Variants in FUBP3 observed in about 807,000 individuals in gnomAD.
FUBP3 encodes far upstream element-binding protein 3.
Under a neutral mutation model 85.6 loss-of-function variants are expected in FUBP3, and 28 were observed. The observed-to-expected ratio is 0.33, with a 90% CI of 0.24 to 0.45. FUBP3 has a LOEUF of 0.45. Among genes scored for constraint, FUBP3 ranks in the 20% least tolerant of loss-of-function variants. The pLI is 1.00. For missense variants in FUBP3, 583 were observed against 755.1 expected (o/e 0.77, Z 2.67); for synonymous variants, 271 against 271.4 (o/e 1.00, Z 0.01).
chr9:130,606,911 T>C (rs1831487963), intron 2 of FUBP3, among the ~76,000 whole-genome samples: 1 of 151,880 alleles, frequency 6.6e-6, no homozygotes, highest in Non-Finnish European at 1.5e-5. Context: ...AAAAATGAAA[T>C]CTTTTTTTCT....
intron 2 of FUBP3, among the ~76,000 whole-genome samples, chr9:130,598,249 G>GT (rs1221643007): frequency 6.6e-6 from 1 of 152,172 alleles, no homozygotes; most frequent in Non-Finnish European, 1.5e-5. Context: ...ATGCTAGAGG[G>GT]TTTCATTTGC....
At chr9:130,615,935 C>T (rs1205841297) in intron 6 of FUBP3, among the ~76,000 whole-genome samples, 8 of 152,178 alleles carry the variant, frequency 5.3e-5, no homozygotes, top group African/African-American at 1.9e-4. Context: ...GCTCTCTCTC[C>T]TGCCTGCATT....
chr9:130,625,179 C>T (rs371711169), intron 11 of FUBP3, among the ~76,000 whole-genome samples: 7 of 152,342 alleles, frequency 4.6e-5, no homozygotes, highest in African/African-American at 1.2e-4. Context: ...ATTGCATTCC[C>T]GCCTGGGCAA....
intron 1 of FUBP3, among the ~76,000 whole-genome samples, chr9:130,592,048 A>T (rs1588119385): frequency 6.6e-6 from 1 of 152,326 alleles, no homozygotes; most frequent in East Asian, 1.9e-4. Context: ...CCTGCCCAAC[A>T]TGGTGAAACT....
chr9:130,613,416 G>A (rs79185845), intron 5 of FUBP3, among the ~76,000 whole-genome samples: 2,481 of 152,324 alleles, frequency 0.016, 67 homozygotes, highest in African/African-American at 0.056. Context: ...CCATGGATGA[G>A]ACTGTCCCTT....
At chr9:130,604,391 C>T (rs1420274106) in intron 2 of FUBP3, among the ~76,000 whole-genome samples, 1 of 152,184 alleles carries the variant, frequency 6.6e-6, no homozygotes, top group Non-Finnish European at 1.5e-5. Flanking sequence ...GTCTCTGTCT[C>T]ATGTGCCATA....
rs542133424 is a variant in FUBP3, at chr9:130,613,061, T to C, written c.346+34T>C. On this transcript the variant is annotated intron_variant, in intron 5 of 18. Coordinates refer to ENST00000319725, the MANE Select transcript of FUBP3 (RefSeq NM_003934.2). ...TTTTTAAAAATAGATATCAATTTTG[T>C]AGAAATCAGTATTTTGCAAAACTTT... is the stretch of plus-strand genomic sequence containing the variant. 2.1e-4 allele frequency: 279 copies of C among 1,347,270 alleles called. 2 individuals carry two copies. The African/African-American group carries it at 3.5e-3, about 17-fold the overall frequency. The allele number at this position is 1,347,270 out of a possible 1,614,324, so 83.5% of individuals were successfully genotyped here.
rs182774777 is a variant in FUBP3 at position 130,637,005 on chromosome 9, C to G, written c.1711-9C>G. The G allele has an allele frequency of 4.3e-6, 7 of 1,612,178 alleles. No homozygotes were observed. The highest frequency in any genetic ancestry group is 5.9e-6 in the Non-Finnish European group (7 of 1,178,304). ...TCACAGACTAATTCCTCTTCCCTTCCGCCCACAGGAGCAGTAGGACAGCGT... is the reference window on the plus strand; with the variant it reads ...TCACAGACTAATTCCTCTTCCCTTCGGCCCACAGGAGCAGTAGGACAGCGT... On this transcript the variant is annotated splice_polypyrimidine_tract_variant and intron_variant, in intron 18 of 18. Coordinates refer to ENST00000319725, the MANE Select transcript of FUBP3 (RefSeq NM_003934.2).
chr9:130,591,192 C>T (rs865958860), intron 1 of FUBP3, among the ~76,000 whole-genome samples: 1 of 152,266 alleles, frequency 6.6e-6, no homozygotes, highest in Middle Eastern at 3.4e-3. Flanking sequence ...CGCCTGTAAT[C>T]CCAGCATTTT....
intron 1 of FUBP3, among the ~76,000 whole-genome samples, chr9:130,595,001 C>A (rs978053041): frequency 4.0e-5 from 6 of 151,574 alleles, no homozygotes; most frequent in Non-Finnish European, 8.8e-5. Flanking sequence ...CCAAGGGGGG[C>A]AGATCACCCG....
intron 16 of FUBP3, among the ~76,000 whole-genome samples, chr9:130,633,806 G>C (rs547650896): frequency 6.6e-6 from 1 of 152,162 alleles, no homozygotes; most frequent in Non-Finnish European, 1.5e-5. Flanking sequence ...TCTTCCCCAC[G>C]CTGCTCCTCA....
Position 130,635,854 on chromosome 9 carries a change from C to A in FUBP3, c.1583-145C>A. 1 of 784,160 alleles carries A rather than the reference C, an allele frequency of 1.3e-6. No homozygotes were observed. The highest frequency in any genetic ancestry group is 2.1e-6 in the Non-Finnish European group (1 of 486,712). 48.6% of individuals were successfully genotyped at this position (784,160 alleles called of 1,614,324 possible). A position where few individuals can be genotyped will look rare whatever the true frequency, so the allele number is the denominator to read the frequency against. On this transcript the variant is annotated intron_variant, in intron 17 of 18. Coordinates refer to ENST00000319725, the MANE Select transcript of FUBP3 (RefSeq NM_003934.2). This position sits in a 1 kb window ranked among gnomAD's most constrained non-coding sequence, Gnocchi z 4.3. ...GCACCTTTTGTAGCAAGCGCTCCTGCAACACCAGCCTCACCTCACTGCCTC... is the reference window on the plus strand; with the variant it reads ...GCACCTTTTGTAGCAAGCGCTCCTGAAACACCAGCCTCACCTCACTGCCTC...
intron 1 of FUBP3, chr9:130,580,747 G>A (rs1830101455): frequency 6.6e-6 from 1 of 152,170 alleles, no homozygotes; most frequent in African/African-American, 2.4e-5. Context: ...TATTCCAGGG[G>A]AGGGAACCCT....
intron 2 of FUBP3, among the ~76,000 whole-genome samples, chr9:130,604,145 A>C (rs1017697713): frequency 6.6e-6 from 1 of 152,178 alleles, no homozygotes. Flanking sequence ...AAAAAACTAC[A>C]TACTGCATGA....
intron 1 of FUBP3, among the ~76,000 whole-genome samples, chr9:130,586,084 G>A (rs1431029461): frequency 1.3e-5 from 2 of 152,206 alleles, no homozygotes; most frequent in South Asian, 2.1e-4. Flanking sequence ...GTGCAGCCTG[G>A]ATCTCCTGGG....
intron 2 of FUBP3, among the ~76,000 whole-genome samples, chr9:130,600,557 G>A (rs931010176): frequency 1.3e-5 from 2 of 151,910 alleles, no homozygotes; most frequent in African/African-American, 4.8e-5. Context: ...GTGCAGTGGG[G>A]CAGTCATGGT....
intron 2 of FUBP3, among the ~76,000 whole-genome samples, chr9:130,606,595 C>T (rs560177019): frequency 2.3e-4 from 35 of 152,052 alleles, no homozygotes; most frequent in South Asian, 8.3e-4. Flanking sequence ...CTAAAGTGGG[C>T]GGATCACCTG....
At chr9:130,588,395 A>C (rs182690479) in intron 1 of FUBP3, among the ~76,000 whole-genome samples, 33 of 152,286 alleles carry the variant, frequency 2.2e-4, no homozygotes, top group Admixed American at 2.0e-3. Context: ...AGGGGGCATG[A>C]GGCAGACTTC....
chr9:130,615,673 TAGC>T (rs982997405), intron 6 of FUBP3, among the ~76,000 whole-genome samples: 2 of 152,074 alleles, frequency 1.3e-5, no homozygotes, highest in Admixed American at 6.5e-5. Flanking sequence ...CCAACACAAA[TAGC>T]AGGACACGTG....
Sources: gnomAD v4.1 joint callset for allele counts (sites outside exome capture counted in the v4.1 genomes callset) on GRCh38, gnomAD v4.1.1 for gene constraint, Gnocchi (gnomAD v3.1) non-coding constraint, MANE v1.5 for transcripts, NCBI Gene and HGNC (gene_info 2026-07-23, HGNC 2026-07-21) for gene names.